TENM2: variants seen among roughly 807,000 people sequenced by gnomAD.
TENM2 encodes the protein teneurin-2.
In TENM2, 52 loss-of-function variants were observed where a neutral mutation model predicts 245.2. That is an observed-to-expected ratio of 0.21 (90% CI 0.17 to 0.27). The LOEUF is 0.27. TENM2 is among the 10% of genes least tolerant of loss of function. The pLI, the probability that TENM2 is intolerant of heterozygous loss-of-function variation, is 1.00. For missense variants in TENM2, 3,046 were observed against 3,666.8 expected (o/e 0.83, Z 4.37); for synonymous variants, 1,363 against 1,438.9 (o/e 0.95, Z 1.19).
At chr5:167,449,405 G>A (rs1213395454) in intron 2 of TENM2, among the ~76,000 whole-genome samples, 3 of 152,022 alleles carry the variant, frequency 2.0e-5, no homozygotes, top group African/African-American at 7.2e-5. Context: ...GGTGGCTCCA[G>A]CCCCCTGCAG....
At chr5:166,993,591 A>G in the TENM2 span, among the ~76,000 whole-genome samples, 1 of 152,188 alleles carries the variant, frequency 6.6e-6, no homozygotes, top group African/African-American at 2.4e-5. Flanking sequence ...ACTCATGGGG[A>G]AAACAGGAGA....
intron 2 of TENM2, among the ~76,000 whole-genome samples, chr5:167,408,264 A>T (rs545156280): frequency 6.6e-6 from 1 of 152,260 alleles, no homozygotes; most frequent in Non-Finnish European, 1.5e-5. Flanking sequence ...GGAGGTGTTA[A>T]GGAGTTTGCT....
chr5:167,443,808 G>C (rs938920856), intron 2 of TENM2, among the ~76,000 whole-genome samples: 2 of 151,932 alleles, frequency 1.3e-5, no homozygotes. Flanking sequence ...CTTGAAAACA[G>C]GGGACTTATT....
intron 2 of TENM2, among the ~76,000 whole-genome samples, chr5:167,690,101 CTTTTTTTT>C (rs370994752): frequency 1.5e-4 from 18 of 119,920 alleles, no homozygotes; most frequent in Admixed American, 2.6e-4. Context: ...AAAAAACACA[CTTTTTTTT>C]TTTTTTTTTT....
chr5:167,804,092 C>A (rs1375741159), intron 2 of TENM2, among the ~76,000 whole-genome samples: 1 of 151,880 alleles, frequency 6.6e-6, no homozygotes, highest in African/African-American at 2.4e-5. Flanking sequence ...TGCAAATACT[C>A]CAAATTTTAA....
At chr5:167,384,693 C>T (rs950173514) in intron 2 of TENM2, among the ~76,000 whole-genome samples, 10 of 120,162 alleles carry the variant, frequency 8.3e-5, no homozygotes, top group African/African-American at 4.0e-4. Context: ...ACAGCGCGTG[C>T]ACACGCGTGC....
At chr5:167,949,456 C>G (rs1779904484) in intron 3 of TENM2, among the ~76,000 whole-genome samples, 1 of 152,038 alleles carries the variant, frequency 6.6e-6, no homozygotes, top group South Asian at 2.1e-4. Flanking sequence ...TCCCTGAGAG[C>G]TGCAGTTATG....
chr5:167,389,821 T>C (rs1761652404), intron 2 of TENM2, among the ~76,000 whole-genome samples: 1 of 152,174 alleles, frequency 6.6e-6, no homozygotes, highest in Non-Finnish European at 1.5e-5. Flanking sequence ...ATCATTAATA[T>C]TTTACCAAAT....
chr5:168,158,850 T>TATATATATAC lies in TENM2; in HGVS notation c.2423-3760_2423-3759insTATATATACA, dbSNP rs1339051385. On this transcript the variant is annotated intron_variant, in intron 12 of 28. Transcript: ENST00000518659. ...GTGTGTATATATATATATATATATA[T>TATATATATAC]ACACACACACACACACACATATATA... is the stretch of plus-strand genomic sequence containing the variant. 4.8e-3 allele frequency among the ~76,000 whole-genome samples: 298 copies of TATATATATAC among 62,152 alleles called. 4 individuals are homozygous for TATATATATAC. Among genetic ancestry groups the TATATATATAC allele is most frequent in the African/African-American group, 0.017 (279 of 16,194 alleles). 40.8% of individuals were successfully genotyped at this position (62,152 alleles called of 152,430 possible).
chr5:167,921,319 C>A (rs1777355538), intron 3 of TENM2, among the ~76,000 whole-genome samples: 1 of 152,226 alleles, frequency 6.6e-6, no homozygotes, highest in Non-Finnish European at 1.5e-5. Context: ...GTAACGCCTA[C>A]TTTGGTTCCA....
At chr5:167,658,249 G>C (rs72645750) in intron 2 of TENM2, among the ~76,000 whole-genome samples, 2 of 149,140 alleles carry the variant, frequency 1.3e-5, no homozygotes, top group Admixed American at 1.3e-4. Flanking sequence ...CACTCTTGTC[G>C]CCCAGGCTGG....
intron 3 of TENM2, among the ~76,000 whole-genome samples, chr5:167,897,301 T>C (rs1463638256): frequency 1.3e-5 from 2 of 151,554 alleles, no homozygotes; most frequent in Admixed American, 6.6e-5. Flanking sequence ...CTTTTTTTTT[T>C]CCCTCCTGCT....
exon 27 of TENM2, chr5:168,248,182 C>A: frequency 6.2e-7 from 1 of 1,614,042 alleles, no homozygotes; most frequent in Non-Finnish European, 8.5e-7. Context: ...CCATGGGGGA[C>A]TCTATGACCC....
chr5:168,110,093 CCCTGGAAGGCAG>C (rs1794565231), intron 9 of TENM2, among the ~76,000 whole-genome samples: 1 of 148,272 alleles, frequency 6.7e-6, no homozygotes, highest in Non-Finnish European at 1.5e-5. Context: ...AGCAGAGCAG[CCCTGGAAGGCAG>C]AATGTCTAAC....
At chr5:167,776,448 T>G (rs925543653) in intron 2 of TENM2, among the ~76,000 whole-genome samples, 1 of 151,212 alleles carries the variant, frequency 6.6e-6, no homozygotes, top group East Asian at 1.9e-4. Context: ...ATACAAAAAT[T>G]AGCTGAGCGT....
exon 4 of TENM2, chr5:167,952,804 A>G (rs1454879130): frequency 1.3e-6 from 2 of 1,559,064 alleles, no homozygotes; most frequent in South Asian, 2.4e-5. Flanking sequence ...CTAAACAGCA[A>G]CGTGCCACTG....
chr5:167,503,078 C>G (rs754472457), intron 2 of TENM2, among the ~76,000 whole-genome samples: 1 of 152,154 alleles, frequency 6.6e-6, no homozygotes, highest in Admixed American at 6.5e-5. Context: ...CCACCCGACT[C>G]GGCCTCCTAA....
chr5:168,245,887 T>C (rs1055593902), intron 26 of TENM2, among the ~76,000 whole-genome samples: 6 of 152,016 alleles, frequency 3.9e-5, no homozygotes, highest in African/African-American at 7.2e-5. Context: ...GTCATTTTTT[T>C]CCCCCAAAGA....
At chr5:167,514,301 A>G (rs1770164675) in intron 2 of TENM2, among the ~76,000 whole-genome samples, 1 of 152,152 alleles carries the variant, frequency 6.6e-6, no homozygotes. Flanking sequence ...ACAGCCAGTT[A>G]TGAACACGGC....
Sources: gnomAD v4.1 joint callset for allele counts (sites outside exome capture counted in the v4.1 genomes callset) on GRCh38, gnomAD v4.1.1 for gene constraint, MANE v1.5 for transcripts, NCBI Gene and HGNC (gene_info 2026-07-23, HGNC 2026-07-21) for gene names.